The following OST4 variants were observed in gnomAD, a reference collection of about 807,000 sequenced individuals.
The protein encoded by OST4 is dolichyl-diphosphooligosaccharide--protein glycosyltransferase subunit 4.
In OST4, 3 loss-of-function variants were observed where a neutral mutation model predicts 2.1. The ratio of observed to expected loss-of-function variants is 1.42; its 90% CI spans 0.65 to 3.67. The LOEUF is 3.67. Ranked by LOEUF, OST4 falls within the 30% of genes most tolerant of loss-of-function variation. The pLI, the probability that OST4 is intolerant of heterozygous loss-of-function variation, is 0.03. For synonymous variants in OST4, 23 were observed against 21.6 expected, an observed-to-expected ratio of 1.06 and a Z score of -0.18; for missense variants, 52 against 47.1, an observed-to-expected ratio of 1.10 and a Z score of -0.30.
rs1473522271 is a variant in OST4, at chr2:27,070,573, A to G, written c.*172T>C. 1 of 303,042 alleles carries G rather than the reference A, an allele frequency of 3.3e-6. No homozygotes were observed. The highest frequency in any genetic ancestry group is 5.9e-5 in the East Asian group (1 of 16,984). 18.8% of individuals were successfully genotyped at this position (303,042 alleles called of 1,614,324 possible). A position where few individuals can be genotyped will look rare whatever the true frequency, so the allele number is the denominator to read the frequency against. ...CTATTCAGTGGCAGCTTCTTGTTCC[A>G]TAGGATTAAGGAAGACTCTGAGGAA... On this transcript the variant is annotated 3_prime_UTR_variant, in exon 3 of 3. Coordinates refer to ENST00000456793, the MANE Select transcript of OST4 (RefSeq NM_001134693.2).
chr2:27,071,573 CGTGGG>C, intron 1 of OST4, 23 bp downstream of exon 1: 1 of 614,476 alleles, frequency 1.6e-6, no homozygotes, highest in Non-Finnish European at 2.6e-6. Flanking sequence ...GGGGCTGGCC[CGTGGG>C]ACGGCCCCTG....
At chr2:27,070,884 G>A (rs1669250741) in intron 2 of OST4, 163 bp from the exon 3 acceptor site, 1 of 157,064 alleles carries the variant, frequency 6.4e-6, no homozygotes, top group Admixed American at 6.1e-5. Context: ...TGGGTCAGCA[G>A]CCAACCCCTG....
At chr2:27,071,245 G>T (rs993851272) in intron 2 of OST4, 81 bp downstream of exon 2, 9 of 839,312 alleles carry the variant, frequency 1.1e-5, no homozygotes, top group Middle Eastern at 2.2e-4. Flanking sequence ...CTTTCTGATT[G>T]TAAGTTTCGA....
chr2:27,071,274 C>T, intron 2 of OST4, 52 bp downstream of exon 2: 2 of 1,171,388 alleles, frequency 1.7e-6, no homozygotes, highest in Non-Finnish European at 2.5e-6. Flanking sequence ...AGCCCTGGCG[C>T]GGCCTCGCCA....
rs1189148083 is a variant in OST4 at position 27,071,589 on chromosome 2, C to A, written c.-2+12G>T. 1 of 660,324 alleles carries A rather than the reference C, an allele frequency of 1.5e-6. No homozygotes were observed. Among genetic ancestry groups the A allele is most frequent in the South Asian group, 1.9e-5 (1 of 52,078 alleles). 40.9% of individuals were successfully genotyped at this position (660,324 alleles called of 1,614,324 possible). A position where few individuals can be genotyped will look rare whatever the true frequency, so the allele number is the denominator to read the frequency against. On this transcript the variant is annotated intron_variant, in intron 1 of 2. Transcript: ENST00000456793. The stretch of plus-strand genomic sequence containing the variant: ...GGGCTGGCCCGTGGGACGGCCCCTG[C>A]GTGCCTCTGACCTGACCAGTCCGGC...
Position 27,070,483 on chromosome 2 carries a change from C to CAA in OST4, c.*260_*261dup. ...TCCGCAGCACAAGATTTTGGGACCA[C>CAA]AAAAAAAAGTCTATATTTTTATATT... is the stretch of plus-strand genomic sequence containing the variant. On this transcript the variant is annotated 3_prime_UTR_variant, in exon 3 of 3. Coordinates refer to ENST00000456793, the MANE Select transcript of OST4 (RefSeq NM_001134693.2). 2.0e-6 allele frequency: 1 copy of CAA among 508,962 alleles called. No homozygotes were observed. Among genetic ancestry groups the CAA allele is most frequent in the African/African-American group, 1.9e-5 (1 of 52,176 alleles). 31.5% of individuals were successfully genotyped at this position (508,962 alleles called of 1,614,324 possible).
chr2:27,070,522 AG>A lies in OST4; in HGVS notation c.*222del, dbSNP rs1257898305. On this transcript the variant is annotated 3_prime_UTR_variant, in exon 3 of 3. Coordinates refer to ENST00000456793, the MANE Select transcript of OST4 (RefSeq NM_001134693.2). Reference sequence around the variant, plus strand: ...TATTTTTATATTGGGGGGAGGGAGTAGAAAAGCAAGCCCCTATACTGGGCCC... The same window carrying A: ...TATTTTTATATTGGGGGGAGGGAGTAAAAAGCAAGCCCCTATACTGGGCCC... The A allele has an allele frequency of 4.3e-6, 2 of 466,214 alleles. No individual in the cohort carries two copies. The highest frequency in any genetic ancestry group is 7.7e-6 in the Non-Finnish European group (2 of 258,282). The allele number at this position is 466,214 out of a possible 1,614,324, so 28.9% of individuals were successfully genotyped here.
intron 2 of OST4, among the ~76,000 whole-genome samples, chr2:27,070,941 CA>C (rs968032365): frequency 6.6e-6 from 1 of 151,914 alleles, no homozygotes; most frequent in African/African-American, 2.4e-5. Context: ...CCCCCCTCAC[CA>C]AAAAAAATCT....
At chr2:27,071,014 T>C (rs1183882656) in intron 2 of OST4, among the ~76,000 whole-genome samples, 1 of 152,224 alleles carries the variant, frequency 6.6e-6, no homozygotes, top group Non-Finnish European at 1.5e-5. Context: ...CAAATCCTCA[T>C]ACTTGGATGG....
In OST4 at chr2:27,071,357, G is replaced by T. The variant is rs750782088; in HGVS notation, c.106C>A (p.Gln36Lys). ...CGGAGAAAGCGCCACTTTCATTCCT[G>T]CTTCTTGGGATTGTTGACGGCCACG... is the stretch of plus-strand genomic sequence containing the variant. Reference protein sequence around the residue: ...HYVAVNNPKKQE With the variant: ...HYVAVNNPKKKE Residue 36 changes from glutamine to lysine, a missense_variant, in exon 2 of 3, where the codon CAG becomes AAG. Gln to Lys is a moderately conservative substitution (Grantham distance 53). Coordinates refer to ENST00000456793, the MANE Select transcript of OST4 (RefSeq NM_001134693.2). 1 of 1,551,350 alleles carries T rather than the reference G, an allele frequency of 6.4e-7. No homozygotes were observed. The highest frequency in any genetic ancestry group is 1.2e-5 in the South Asian group (1 of 84,064).
intron 1 of OST4, 27 bp downstream of exon 1, chr2:27,071,574 G>C (rs1669273990): frequency 1.4e-6 from 1 of 729,764 alleles, no homozygotes; most frequent in Non-Finnish European, 2.2e-6. Context: ...GGGCTGGCCC[G>C]TGGGACGGCC....
rs754468548 is a variant in OST4 at position 27,071,397 on chromosome 2, G to A, written c.66C>T (p.Val22=). 2 of 1,551,696 alleles carry A rather than the reference G, an allele frequency of 1.3e-6. No homozygotes were observed. Among genetic ancestry groups the A allele is most frequent in the South Asian group, 1.2e-5 (1 of 84,062 alleles). ...TGACGGCCACGTAGTGATAGAGAAC[G>A]ACAAGCAAGAAGAGCGACACGCCCA... ...NMLGVSLFLL[V]VLYHYVAVNN... The change falls in exon 2 of 3, where the codon GTC becomes GTT. Residue 22 remains valine (V), a synonymous_variant. Transcript: ENST00000456793.
rs1435746260 is a variant in OST4, at chr2:27,070,524, A to G, written c.*221T>C. 4.3e-6 allele frequency: 2 copies of G among 464,262 alleles called. No homozygotes were observed. Among genetic ancestry groups the G allele is most frequent in the Non-Finnish European group, 7.8e-6 (2 of 257,062 alleles). 28.8% of individuals were successfully genotyped at this position (464,262 alleles called of 1,614,324 possible). A position where few individuals can be genotyped will look rare whatever the true frequency, so the allele number is the denominator to read the frequency against. ...TTTTTATATTGGGGGGAGGGAGTAG[A>G]AAAGCAAGCCCCTATACTGGGCCCT... On this transcript the variant is annotated 3_prime_UTR_variant, in exon 3 of 3. Transcript: ENST00000456793.
At chr2:27,070,977 G>A (rs1055118389) in intron 2 of OST4, among the ~76,000 whole-genome samples, 2 of 152,140 alleles carry the variant, frequency 1.3e-5, no homozygotes, top group African/African-American at 4.8e-5. Context: ...TAAACAACCT[G>A]GGGAAAATGA....
intron 1 of OST4, 61 bp downstream of exon 1, chr2:27,071,540 C>CCAGCCA (rs1218294282): frequency 6.9e-5 from 83 of 1,205,392 alleles, no homozygotes; most frequent in Non-Finnish European, 9.5e-5. Context: ...GCCCCACGGG[C>CCAGCCA]CAGCCACGGC....
At chr2:27,071,514 G>C (rs1410372362) in intron 1 of OST4, 51 bp from the exon 2 acceptor site, 2 of 1,442,092 alleles carry the variant, frequency 1.4e-6, no homozygotes, top group South Asian at 2.4e-5. Context: ...CCTCGCCCTC[G>C]CAAGAACCCG....
In OST4 at chr2:27,071,439, G is replaced by A; in HGVS notation, c.24C>T (p.Ala8=). The A allele has an allele frequency of 6.4e-7, 1 of 1,551,608 alleles. No individual in the cohort carries two copies. Among genetic ancestry groups the A allele is most frequent in the Non-Finnish European group, 8.7e-7 (1 of 1,146,936 alleles). Residue 8 remains alanine, a synonymous_variant, in exon 2 of 3, where the codon GCC becomes GCT. Coordinates refer to ENST00000456793, the MANE Select transcript of OST4 (RefSeq NM_001134693.2). ...ACACGCCCAGCATGTTGGCGAAGAT[G>A]GCGAGCTGCACGTCCGTGATCATCC... MITDVQL[A]IFANMLGVSL... is the part of the protein sequence containing the mutation.
At chr2:27,071,253 C>T in intron 2 of OST4, 73 bp downstream of exon 2, 1 of 926,150 alleles carries the variant, frequency 1.1e-6, no homozygotes, top group Non-Finnish European at 1.7e-6. Flanking sequence ...TTGTAAGTTT[C>T]GAACCCTGCT....
Position 27,071,341 on chromosome 2 carries a change from C to A in OST4, c.*8G>T. 10 of 1,549,714 alleles carry A rather than the reference C, an allele frequency of 6.5e-6. No individual in the cohort carries two copies. The highest frequency in any genetic ancestry group is 8.7e-6 in the Non-Finnish European group (10 of 1,145,246). On this transcript the variant is annotated 3_prime_UTR_variant, in exon 2 of 3. Coordinates refer to ENST00000456793, the MANE Select transcript of OST4 (RefSeq NM_001134693.2). ...GGGCCGTTACCTGGGGCGGAGAAAG[C>A]GCCACTTTCATTCCTGCTTCTTGGG...
Sources: gnomAD v4.1 joint callset for allele counts (sites outside exome capture counted in the v4.1 genomes callset) on GRCh38, gnomAD v4.1.1 for gene constraint, MANE v1.5 for transcripts, NCBI Gene and HGNC (gene_info 2026-07-23, HGNC 2026-07-21) for gene names.